The following SDK1 variants were observed in gnomAD, a reference collection of about 807,000 sequenced individuals.
The protein encoded by SDK1 is sidekick cell adhesion molecule 1, also known as protein sidekick-1.
SDK1 carries 157 observed loss-of-function variants against 245.5 expected under a neutral mutation model. The observed-to-expected ratio is 0.64, with a 90% CI of 0.56 to 0.73. The LOEUF (loss-of-function observed/expected upper bound fraction) is 0.73, where lower values mean the gene tolerates loss of function less well. Among genes scored for constraint, SDK1 ranks in the 30% least tolerant of loss-of-function variants. The probability of loss-of-function intolerance (pLI) is 0.00; values close to 1 mark genes in which losing one functional copy is unlikely to be tolerated. For missense variants in SDK1, 3,583 were observed against 3,002.3 expected (o/e 1.19, Z -4.52); for synonymous variants, 1,647 against 1,278.5 (o/e 1.29, Z -6.15).
chr7:3,580,964 A>T lies in SDK1; in HGVS notation c.299-38116A>T, dbSNP rs184366401. 4.0e-3 allele frequency among the ~76,000 whole-genome samples: 464 copies of T among 114,754 alleles called. 2 individuals carry two copies. Among genetic ancestry groups the T allele is most frequent in the Non-Finnish European group, 6.2e-3 (357 of 57,764 alleles). The allele number at this position is 114,754 out of a possible 152,430, so 75.3% of individuals were successfully genotyped here. A position where few individuals can be genotyped will look rare whatever the true frequency, so the allele number is the denominator to read the frequency against. On this transcript the variant is annotated intron_variant, in intron 1 of 44. Transcript: ENST00000404826. ...AGCCTAGGTTATAGGGCAAGACTCC[A>T]TCTCAAAAAAAAAAAAAAAAAAAAA...
chr7:3,724,907 G>C (rs141716673), intron 4 of SDK1, among the ~76,000 whole-genome samples: 2 of 152,296 alleles, frequency 1.3e-5, no homozygotes, highest in African/African-American at 4.8e-5. Context: ...CTGGAAAGAG[G>C]GTTGGAAATA....
At chr7:3,478,085 T>C (rs986818346) in intron 1 of SDK1, among the ~76,000 whole-genome samples, 1 of 152,208 alleles carries the variant, frequency 6.6e-6, no homozygotes, top group Non-Finnish European at 1.5e-5. Flanking sequence ...CACTAATCTG[T>C]CTTTAAATCA....
chr7:4,003,624 T>C (rs1212505893), intron 14 of SDK1, among the ~76,000 whole-genome samples: 1 of 152,212 alleles, frequency 6.6e-6, no homozygotes, highest in Non-Finnish European at 1.5e-5. Context: ...AGCGCCATTC[T>C]CATCACATCA....
chr7:3,438,007 T>C (rs185194410), intron 1 of SDK1, among the ~76,000 whole-genome samples: 48 of 152,292 alleles, frequency 3.2e-4, no homozygotes, highest in Admixed American at 7.2e-4. Flanking sequence ...TGAGACATTG[T>C]TGGGGCAAGT....
rs73673242 is a variant in SDK1, at chr7:4,016,234, C to T, written c.2421-937C>T. ...ATTTCCACATGCCGTGAAAAGCCAG[C>T]GGATTTGCTGCCACTCAAGTGTGGG... On this transcript the variant is annotated intron_variant, in intron 16 of 44. Coordinates refer to ENST00000404826, the MANE Select transcript of SDK1 (RefSeq NM_152744.4). Among the ~76,000 whole-genome samples the T allele has an allele frequency of 4.5e-3, 691 of 152,348 alleles. 3 individuals carry two copies. The highest frequency in any genetic ancestry group is 0.016 in the African/African-American group (660 of 41,580).
At chr7:4,175,547 C>G (rs912086459) in intron 33 of SDK1, among the ~76,000 whole-genome samples, 5 of 152,232 alleles carry the variant, frequency 3.3e-5, no homozygotes, top group African/African-American at 1.2e-4. Context: ...CCCCGCCTGT[C>G]CGGGACTGGG....
At chr7:4,058,747 TA>T (rs1412439171) in intron 19 of SDK1, among the ~76,000 whole-genome samples, 1 of 152,148 alleles carries the variant, frequency 6.6e-6, no homozygotes, top group East Asian at 1.9e-4. Context: ...ACTATATGCA[TA>T]AAAGTTACCC....
intron 5 of SDK1, among the ~76,000 whole-genome samples, chr7:3,837,908 G>A (rs1780062246): frequency 6.6e-6 from 1 of 152,128 alleles, no homozygotes; most frequent in South Asian, 2.1e-4. Flanking sequence ...ACCCATCATT[G>A]AGCTTTATTC....
intron 13 of SDK1, among the ~76,000 whole-genome samples, chr7:3,983,813 A>G (rs1337258639): frequency 2.0e-5 from 3 of 152,172 alleles, no homozygotes; most frequent in Non-Finnish European, 4.4e-5. Context: ...CCTGTGATTT[A>G]CCAAAATATC....
chr7:3,838,167 C>T (rs371840988), intron 5 of SDK1, among the ~76,000 whole-genome samples: 7 of 152,154 alleles, frequency 4.6e-5, no homozygotes, highest in Admixed American at 2.0e-4. Flanking sequence ...AATGAGACCC[C>T]GAAGAGATGG....
intron 26 of SDK1, among the ~76,000 whole-genome samples, chr7:4,127,855 T>C (rs561222107): frequency 1.3e-5 from 2 of 152,334 alleles, no homozygotes; most frequent in East Asian, 1.9e-4. Flanking sequence ...GGAATAACGA[T>C]GGTAGCTTTG....
intron 7 of SDK1, among the ~76,000 whole-genome samples, chr7:3,956,008 C>A (rs546268492): frequency 6.6e-6 from 1 of 152,306 alleles, no homozygotes; most frequent in South Asian, 2.1e-4. Context: ...TTTCCTAACA[C>A]CCTGACTTCA....
At chr7:3,693,964 C>G (rs879047604) in intron 4 of SDK1, among the ~76,000 whole-genome samples, 1 of 152,176 alleles carries the variant, frequency 6.6e-6, no homozygotes, top group Non-Finnish European at 1.5e-5. Context: ...TGCCTTGCTC[C>G]CTCACTCGTC....
At chr7:3,584,883 C>G (rs1240864838) in intron 1 of SDK1, among the ~76,000 whole-genome samples, 4 of 152,058 alleles carry the variant, frequency 2.6e-5, no homozygotes, top group Non-Finnish European at 5.9e-5. Context: ...GCCATCACAC[C>G]TGGCTAATTT....
intron 35 of SDK1, among the ~76,000 whole-genome samples, chr7:4,178,830 T>C (rs780471178): frequency 2.0e-5 from 3 of 152,258 alleles, no homozygotes; most frequent in Non-Finnish European, 4.4e-5. Flanking sequence ...GTTTGTTCGA[T>C]ACCTGGGGCC....
intron 35 of SDK1, among the ~76,000 whole-genome samples, chr7:4,195,909 T>C (rs1783550182): frequency 6.6e-6 from 1 of 152,042 alleles, no homozygotes; most frequent in Non-Finnish European, 1.5e-5. Flanking sequence ...CCAAAATCCA[T>C]GACAGAAACC....
At chr7:3,774,963 G>C (rs979279394) in intron 4 of SDK1, among the ~76,000 whole-genome samples, 1 of 152,198 alleles carries the variant, frequency 6.6e-6, no homozygotes, top group Non-Finnish European at 1.5e-5. Flanking sequence ...AGGTGCGTCT[G>C]CCGGGGACCT....
In SDK1 at chr7:3,793,361, G is replaced by T. The variant is rs531708486; in HGVS notation, c.714-28089G>T. Among the ~76,000 whole-genome samples, 45 of 152,044 alleles carry T rather than the reference G, an allele frequency of 3.0e-4. 1 individual carries two copies. The highest frequency in any genetic ancestry group is 1.1e-3 in the African/African-American group (45 of 41,476). ...GCTCTGCCTAAGTTGTATTCTCCTT[G>T]GATAGAAAAGCTATGTATTTGAAGA... On this transcript the variant is annotated intron_variant, in intron 4 of 44. Coordinates refer to ENST00000404826, the MANE Select transcript of SDK1 (RefSeq NM_152744.4).
intron 17 of SDK1, among the ~76,000 whole-genome samples, chr7:4,028,876 A>G (rs56183702): frequency 0.017 from 2,617 of 152,278 alleles, 76 homozygotes; most frequent in African/African-American, 0.06. Context: ...AGGAGTGGAG[A>G]GGAAATACTT....
Sources: gnomAD v4.1 joint callset for allele counts (sites outside exome capture counted in the v4.1 genomes callset) on GRCh38, gnomAD v4.1.1 for gene constraint, MANE v1.5 for transcripts, NCBI Gene and HGNC (gene_info 2026-07-23, HGNC 2026-07-21) for gene names.